Variants in PEF1 observed in about 807,000 individuals in gnomAD.
The protein encoded by PEF1 is peflin.
A neutral mutation model predicts 32.0 loss-of-function variants in PEF1; 17 were observed. That is an observed-to-expected ratio of 0.53 (90% CI 0.36 to 0.80). The LOEUF is 0.80. Among genes scored for constraint, PEF1 ranks in the 30% least tolerant of loss-of-function variants. The pLI is 0.00. For missense variants in PEF1, 362 were observed against 369.1 expected (o/e 0.98, Z 0.16); for synonymous variants, 130 against 139.8 (o/e 0.93, Z 0.50).
chr1:31,638,605 A>C (rs34320757), intron 1 of PEF1, among the ~76,000 whole-genome samples: 6,026 of 152,370 alleles, frequency 0.04, 166 homozygotes, highest in Non-Finnish European at 0.062. Context: ...CCAACAAAGC[A>C]GGTGCTGCCA....
chr1:31,644,778 G>A (rs1262488756), intron 1 of PEF1, 63 bp downstream of exon 1: 1 of 1,612,130 alleles, frequency 6.2e-7, no homozygotes, highest in Non-Finnish European at 8.5e-7. Context: ...AAAGAGCAGG[G>A]GGACGTCGGG....
intron 4 of PEF1, chr1:31,632,185 C>A: frequency 1.7e-6 from 1 of 589,852 alleles, no homozygotes. Flanking sequence ...CCAAGCCACA[C>A]ACACTGGTCT....
chr1:31,635,329 G>A lies in PEF1; in HGVS notation c.218C>T (p.Pro73Leu). Residue 73 changes from proline to leucine, a missense_variant, in exon 2 of 5, where the codon CCC becomes CTC. Physicochemically the swap from Pro to Leu is moderately conservative, Grantham distance 98 (BLOSUM62 -3). Coordinates refer to ENST00000373703, the MANE Select transcript of PEF1 (RefSeq NM_012392.4). Reference protein sequence around the residue: ...PYGHPNPGMFPSGTPGGPYGG... With the variant: ...PYGHPNPGMFLSGTPGGPYGG... ...ATATGGTCCTCCTGGAGTTCCAGAG[G>A]GGAACATCCCAGGATTGGGGTGTCC... The A allele has an allele frequency of 1.2e-6, 2 of 1,614,034 alleles. No homozygotes were observed. Among genetic ancestry groups the A allele is most frequent in the African/African-American group, 1.3e-5 (1 of 75,022 alleles).
At chr1:31,632,449 G>T (rs751384507) in intron 4 of PEF1, 46 bp downstream of exon 4, 15 of 1,613,896 alleles carry the variant, frequency 9.3e-6, no homozygotes, top group East Asian at 6.7e-5. Flanking sequence ...GTAAAGAGAA[G>T]AGTCTAGCTC....
In PEF1 at chr1:31,633,174, A is replaced by AG; in HGVS notation, c.465dup (p.Cys156LeufsTer9). ...GGAGACTCACTTATCATCATGAGGC[A>AG]GGTCTCATCATTGAATGAAGACCAA... is the stretch of plus-strand genomic sequence containing the variant. On this transcript the variant is annotated frameshift_variant, in exon 3 of 5. Coordinates refer to ENST00000373703, the MANE Select transcript of PEF1 (RefSeq NM_012392.4). LOFTEE classifies it high-confidence loss of function. 5.6e-6 allele frequency: 9 copies of AG among 1,613,844 alleles called. No individual in the cohort carries two copies. The South Asian group carries it at 9.9e-5, about 18-fold the overall frequency.
In PEF1 at chr1:31,630,610, G is replaced by A. The variant is rs1640068218; in HGVS notation, c.*3C>T. The A allele has an allele frequency of 6.2e-7, 1 of 1,611,720 alleles. No individual in the cohort carries two copies. Among genetic ancestry groups the A allele is most frequent in the African/African-American group, 1.3e-5 (1 of 74,870 alleles). The stretch of plus-strand genomic sequence containing the variant: ...TGCACTCCACTCTCCACAGATGGTT[G>A]GGTCATAGCATCCGAGAAGCTGTCA... On this transcript the variant is annotated 3_prime_UTR_variant, in exon 5 of 5. Coordinates refer to ENST00000373703, the MANE Select transcript of PEF1 (RefSeq NM_012392.4).
At chr1:31,643,358 C>T (rs1489013434) in intron 1 of PEF1, among the ~76,000 whole-genome samples, 1 of 152,198 alleles carries the variant, frequency 6.6e-6, no homozygotes, top group South Asian at 2.1e-4. Flanking sequence ...TAGTTAACTA[C>T]AGAATCCTCC....
At chr1:31,637,618 G>C (rs1640289207) in intron 1 of PEF1, among the ~76,000 whole-genome samples, 1 of 117,444 alleles carries the variant, frequency 8.5e-6, no homozygotes. Context: ...ACTCCAGCCT[G>C]AGTAACAGAG....
At chr1:31,642,455 G>C (rs987731227) in intron 1 of PEF1, among the ~76,000 whole-genome samples, 1 of 152,012 alleles carries the variant, frequency 6.6e-6, no homozygotes. Context: ...TCCCTGCTTG[G>C]GTACCCTGGA....
chr1:31,638,220 G>A (rs1324775865), intron 1 of PEF1, among the ~76,000 whole-genome samples: 5 of 152,136 alleles, frequency 3.3e-5, no homozygotes, highest in Non-Finnish European at 5.9e-5. Flanking sequence ...GGTGTGACAA[G>A]AGAAATACCC....
Position 31,630,362 on chromosome 1 carries a change from C to T in PEF1, c.*251G>A. On this transcript the variant is annotated 3_prime_UTR_variant, in exon 5 of 5. Transcript: ENST00000373703. ...TGCCAGGCTGTGCCACTCAACTGCTCATGGCCATCAGGACATTCAACTTCT... is the reference window on the plus strand; with the variant it reads ...TGCCAGGCTGTGCCACTCAACTGCTTATGGCCATCAGGACATTCAACTTCT... 1 of 516,772 alleles carries T rather than the reference C, an allele frequency of 1.9e-6. No individual in the cohort carries two copies. Among genetic ancestry groups the T allele is most frequent in the Non-Finnish European group, 3.5e-6 (1 of 284,706 alleles). The allele number at this position is 516,772 out of a possible 1,614,324, so 32.0% of individuals were successfully genotyped here. A position where few individuals can be genotyped will look rare whatever the true frequency, so the allele number is the denominator to read the frequency against.
chr1:31,638,883 T>C (rs542151483), intron 1 of PEF1, among the ~76,000 whole-genome samples: 2 of 152,340 alleles, frequency 1.3e-5, no homozygotes, highest in Non-Finnish European at 2.9e-5. Flanking sequence ...CTAGGCTCTG[T>C]AGTAGATCTG....
intron 2 of PEF1, chr1:31,634,877 C>G: frequency 2.0e-6 from 1 of 488,892 alleles, no homozygotes; most frequent in South Asian, 1.5e-5. Flanking sequence ...TGCTAGCTCT[C>G]CTGCTCCTTC....
At chr1:31,632,913 G>A (rs1233426301) in intron 3 of PEF1, among the ~76,000 whole-genome samples, 2 of 152,190 alleles carry the variant, frequency 1.3e-5, no homozygotes, top group Admixed American at 6.5e-5. Flanking sequence ...ACAGGGGAGG[G>A]AGTACCATTC....
rs1045849937 is a variant in PEF1, at chr1:31,630,241, G to A, written c.*372C>T. 2 of 292,236 alleles carry A rather than the reference G, an allele frequency of 6.8e-6. No homozygotes were observed. The highest frequency in any genetic ancestry group is 1.3e-5 in the Non-Finnish European group (2 of 148,614). The allele number at this position is 292,236 out of a possible 1,614,324, so 18.1% of individuals were successfully genotyped here. The stretch of plus-strand genomic sequence containing the variant: ...AGGATGGCCTGGTGAGGGAACACAG[G>A]TACTAACGGTAACAGGCCGATGAAC... On this transcript the variant is annotated 3_prime_UTR_variant, in exon 5 of 5. Coordinates refer to ENST00000373703, the MANE Select transcript of PEF1 (RefSeq NM_012392.4).
intron 1 of PEF1, among the ~76,000 whole-genome samples, chr1:31,635,978 C>G (rs1488211794): frequency 6.6e-6 from 1 of 152,170 alleles, no homozygotes; most frequent in Admixed American, 6.5e-5. Context: ...AACACACACC[C>G]CTGACCCTCA....
intron 1 of PEF1, among the ~76,000 whole-genome samples, chr1:31,640,819 G>A (rs1640373964): frequency 6.6e-6 from 1 of 151,964 alleles, no homozygotes; most frequent in Non-Finnish European, 1.5e-5. Context: ...AGACCCCTGT[G>A]AAGCTTAAAG....
chr1:31,642,326 A>C (rs745768759), intron 1 of PEF1, among the ~76,000 whole-genome samples: 15 of 152,236 alleles, frequency 9.9e-5, no homozygotes, highest in Non-Finnish European at 2.1e-4. Flanking sequence ...GTGACAAAGC[A>C]GGGATTTGAA....
chr1:31,644,867 T>C lies in PEF1; in HGVS notation c.-3A>G, dbSNP rs754723644. ...TGCCGGTAAGGATAGCTGGCCATGG[T>C]GATTCTGACGTCACACTCAGGCAAG... is the stretch of plus-strand genomic sequence containing the variant. On this transcript the variant is annotated 5_prime_UTR_variant, in exon 1 of 5. Transcript: ENST00000373703. 2.3e-5 allele frequency: 37 copies of C among 1,613,644 alleles called. No homozygotes were observed. Among genetic ancestry groups the C allele is most frequent in the Non-Finnish European group, 3.1e-5 (36 of 1,179,842 alleles).
Sources: allele counts gnomAD v4.1 joint callset (sites outside exome capture counted in the v4.1 genomes callset), GRCh38; gene constraint gnomAD v4.1.1; transcripts MANE v1.5; gene names NCBI Gene and HGNC (gene_info 2026-07-23, HGNC 2026-07-21).